RDH16: variants seen among roughly 807,000 people sequenced by gnomAD.
RDH16 encodes the protein retinol dehydrogenase 16.
RDH16 carries 25 observed loss-of-function variants against 22.3 expected under a neutral mutation model. The ratio of observed to expected loss-of-function variants is 1.12; its 90% CI spans 0.82 to 1.56. The LOEUF is 1.56. RDH16 is among the 40% of genes most tolerant of loss of function. The pLI is 0.00. For synonymous variants in RDH16, 154 were observed against 164.4 expected (o/e 0.94, Z 0.48); for missense variants, 413 against 394.9 (o/e 1.05, Z -0.39).
At chr12:56,953,110 G>GGAAGGTAAAATTAAATA in intron 2 of RDH16, 120 bp from the exon 3 acceptor site, 2 of 910,134 alleles carry the variant, frequency 2.2e-6, no homozygotes, top group Non-Finnish European at 3.3e-6. Flanking sequence ...TAGAAAGCTT[G>GGAAGGTAAAATTAAATA]GAATATTTAA....
intron 2 of RDH16, 142 bp downstream of exon 2, chr12:56,954,764 A>T (rs966463589): frequency 8.8e-6 from 8 of 907,094 alleles, no homozygotes; most frequent in Non-Finnish European, 1.3e-5. Context: ...AGAAAGAGGA[A>T]GATGAGGGTG....
intron 2 of RDH16, among the ~76,000 whole-genome samples, 179 bp from the exon 3 acceptor site, chr12:56,953,169 A>G (rs1955898845): frequency 6.6e-6 from 1 of 152,192 alleles, no homozygotes; most frequent in Non-Finnish European, 1.5e-5. Flanking sequence ...TTCCCTCTGT[A>G]TGGAGTTTCC....
intron 3 of RDH16, 130 bp downstream of exon 3, chr12:56,952,697 C>T: frequency 8.5e-7 from 1 of 1,176,734 alleles, no homozygotes; most frequent in Non-Finnish European, 1.2e-6. Flanking sequence ...GGAAATGGGG[C>T]TAAAGGTCTC....
intron 2 of RDH16, 66 bp downstream of exon 2, chr12:56,954,840 T>C: frequency 1.9e-6 from 3 of 1,574,298 alleles, no homozygotes; most frequent in Non-Finnish European, 1.7e-6. Flanking sequence ...AGGAACTCCC[T>C]GGAAAAGACT....
At chr12:56,957,040 T>A in intron 1 of RDH16, 110 bp downstream of exon 1, 1 of 1,104,742 alleles carries the variant, frequency 9.1e-7, no homozygotes, top group Non-Finnish European at 1.3e-6. Context: ...AAAGCTACTG[T>A]TACTTCAACC....
Position 56,952,211 on chromosome 12 carries a change from T to G in RDH16, c.772A>C (p.Thr258Pro), listed in dbSNP as rs1368708071. ...TTGGTCACCAACGACAGATCCTGTG[T>G]GCACTTCTGCTCCATTTGTTCAGCT... ...KSAEQMEQKC[T>P]QDLSLVTNCM... Residue 258 changes from threonine (T) to proline (P), a missense_variant, in exon 4 of 4, where the codon ACA (threonine) becomes CCA (proline). Coordinates refer to ENST00000398138, the MANE Select transcript of RDH16 (RefSeq NM_003708.5). 3.7e-6 allele frequency: 6 copies of G among 1,614,044 alleles called. No homozygotes were observed. In the Admixed American group the frequency reaches 8.3e-5, roughly 22 times the overall value.
chr12:56,954,974 C>T lies in RDH16; in HGVS notation c.504G>A (p.Arg168=), dbSNP rs747020865. The T allele has an allele frequency of 6.2e-7, 1 of 1,614,150 alleles. No individual in the cohort carries two copies. The highest frequency in any genetic ancestry group is 8.5e-7 in the Non-Finnish European group (1 of 1,180,032). The change falls in exon 2 of 4, where the codon CGG becomes CGA. Residue 168 remains arginine (R), a synonymous_variant. Coordinates refer to ENST00000398138, the MANE Select transcript of RDH16 (RefSeq NM_003708.5). ...RVVNVSSVMG[R]VSLFGGGYCI... ...AGTAGCCTCCACCAAAAAGTGACAC[C>T]CGGCCCATGACACTGGAGACGTTGA... is the stretch of plus-strand genomic sequence containing the variant.
intron 2 of RDH16, among the ~76,000 whole-genome samples, chr12:56,954,282 G>A (rs553641332): frequency 6.6e-6 from 1 of 152,336 alleles, no homozygotes; most frequent in East Asian, 1.9e-4. Flanking sequence ...ATTCCTGGGA[G>A]GAGGGGTTGG....
chr12:56,955,181 A>G lies in RDH16; in HGVS notation c.314-17T>C. ...CCCAGAGTCCTGGGACAGTGGGAAG[A>G]TGAGAGAGCATCACTGTGTTGTGCC... On this transcript the variant is annotated splice_polypyrimidine_tract_variant and intron_variant, in intron 1 of 3. Coordinates refer to ENST00000398138, the MANE Select transcript of RDH16 (RefSeq NM_003708.5). The G allele has an allele frequency of 2.5e-6, 4 of 1,613,624 alleles. No individual in the cohort carries two copies. Among genetic ancestry groups the G allele is most frequent in the East Asian group, 2.2e-5 (1 of 44,874 alleles).
intron 2 of RDH16, among the ~76,000 whole-genome samples, chr12:56,953,880 T>C (rs1955904400): frequency 6.6e-6 from 1 of 152,190 alleles, no homozygotes. Context: ...CTTGATTCTA[T>C]ATCTCTTGTC....
At chr12:56,957,059 C>T in intron 1 of RDH16, 91 bp downstream of exon 1, 1 of 1,272,240 alleles carries the variant, frequency 7.9e-7, no homozygotes, top group East Asian at 2.3e-5. Context: ...CCTGGAAAGA[C>T]ACTGTAGGAA....
At position 56,954,942 on chromosome 12, in the gene RDH16, G is replaced by A. The variant is rs1160254957; in HGVS notation, c.536C>T (p.Ser179Phe). The change falls in exon 2 of 4, where the codon TCC becomes TTC. Residue 179 changes from serine (S) to phenylalanine (F), a missense_variant. Coordinates refer to ENST00000398138, the MANE Select transcript of RDH16 (RefSeq NM_003708.5). ...VSLFGGGYCI[S>F]KYGVEAFSDS... ...AGAGAAGGCTTCCACGCCATACTTG[G>A]AGATGCAGTAGCCTCCACCAAAAAG... The A allele has an allele frequency of 2.5e-6, 4 of 1,614,028 alleles. No homozygotes were observed. Among genetic ancestry groups the A allele is most frequent in the Non-Finnish European group, 3.4e-6 (4 of 1,180,030 alleles).
intron 2 of RDH16, 73 bp from the exon 3 acceptor site, chr12:56,953,063 A>C (rs1592431367): frequency 7.3e-7 from 1 of 1,362,430 alleles, no homozygotes; most frequent in Non-Finnish European, 1.0e-6. Flanking sequence ...TAAAAGTAAA[A>C]CTATGATATC....
At chr12:56,955,466 G>T (rs1955919894) in intron 1 of RDH16, among the ~76,000 whole-genome samples, 1 of 152,134 alleles carries the variant, frequency 6.6e-6, no homozygotes, top group South Asian at 2.1e-4. Flanking sequence ...TATTGTCCAT[G>T]CATTAGTCTG....
intron 1 of RDH16, among the ~76,000 whole-genome samples, chr12:56,955,814 G>A (rs562449775): frequency 2.5e-4 from 38 of 152,174 alleles, no homozygotes; most frequent in African/African-American, 8.2e-4. Context: ...GCAAGGTTGC[G>A]TCACCCCACT....
Position 56,951,963 on chromosome 12 carries a change from T to G in RDH16, c.*66A>C. 1.4e-6 allele frequency: 2 copies of G among 1,440,500 alleles called. No individual in the cohort carries two copies. The highest frequency in any genetic ancestry group is 1.9e-6 in the Non-Finnish European group (2 of 1,031,100). 89.2% of individuals were successfully genotyped at this position (1,440,500 alleles called of 1,614,324 possible). On this transcript the variant is annotated 3_prime_UTR_variant, in exon 4 of 4. Transcript: ENST00000398138. ...GCTCCCTCCCTCCACTTTATATCTC[T>G]CCCAAGGATACACCACCCCTCATAG...
chr12:56,952,284 C>T (rs1425049260), intron 3 of RDH16, 38 bp from the exon 4 acceptor site: 7 of 1,576,972 alleles, frequency 4.4e-6, no homozygotes, highest in Non-Finnish European at 6.1e-6. Flanking sequence ...ATATTTCCAC[C>T]TCTAACCGCT....
At chr12:56,955,186 A>C in intron 1 of RDH16, 22 bp from the exon 2 acceptor site, 1 of 1,613,460 alleles carries the variant, frequency 6.2e-7, no homozygotes, top group Non-Finnish European at 8.5e-7. Context: ...GGAAGATGAG[A>C]GAGCATCACT....
At position 56,957,489 on chromosome 12, in the gene RDH16, G is replaced by A. The variant is rs779591670; in HGVS notation, c.-27C>T. 6.3e-7 allele frequency: 1 copy of A among 1,580,748 alleles called. No individual in the cohort carries two copies. Among genetic ancestry groups the A allele is most frequent in the South Asian group, 1.2e-5 (1 of 85,972 alleles). ...GCTTTGCAGAGGACAGACACAGACA[G>A]GCTGTGGGGGAAACCAGAGTCTGGC... On this transcript the variant is annotated 5_prime_UTR_variant, in exon 1 of 4. Coordinates refer to ENST00000398138, the MANE Select transcript of RDH16 (RefSeq NM_003708.5).
Sources: gnomAD v4.1 joint callset for allele counts (sites outside exome capture counted in the v4.1 genomes callset) on GRCh38, gnomAD v4.1.1 for gene constraint, MANE v1.5 for transcripts, NCBI Gene and HGNC (gene_info 2026-07-23, HGNC 2026-07-21) for gene names.